CKMT2: variants seen among roughly 807,000 people sequenced by gnomAD.
The protein encoded by CKMT2 is creatine kinase, mitochondrial 2, also known as creatine kinase S-type, mitochondrial.
A neutral mutation model predicts 48.9 loss-of-function variants in CKMT2; 43 were observed. That is an observed-to-expected ratio of 0.88 (90% CI 0.69 to 1.13). The LOEUF (loss-of-function observed/expected upper bound fraction) is 1.13. Among genes scored for constraint, CKMT2 ranks in the 50% most tolerant of loss-of-function variants. The pLI, the probability that CKMT2 is intolerant of heterozygous loss-of-function variation, is 0.00. For synonymous variants in CKMT2, 206 were observed against 213.0 expected, an observed-to-expected ratio of 0.97 and a Z score of 0.29; for missense variants, 472 against 555.4, an observed-to-expected ratio of 0.85 and a Z score of 1.51.
chr5:81,253,007 A>C (rs1236910380), intron 3 of CKMT2, 114 bp downstream of exon 3: 2 of 1,154,950 alleles, frequency 1.7e-6, no homozygotes. Flanking sequence ...CCTTCTCAGG[A>C]AGGGCTCTCA....
intron 1 of CKMT2, among the ~76,000 whole-genome samples, chr5:81,248,391 G>A (rs1394682172): frequency 6.6e-6 from 1 of 152,220 alleles, no homozygotes; most frequent in Non-Finnish European, 1.5e-5. Context: ...TAGAGTGACA[G>A]CATTGCCTCT....
At chr5:81,259,580 C>CTTGAGCATGCAAGA (rs758983295) in intron 8 of CKMT2, among the ~76,000 whole-genome samples, 9 of 152,250 alleles carry the variant, frequency 5.9e-5, no homozygotes, top group Non-Finnish European at 8.8e-5. Context: ...AGTTCTCAAA[C>CTTGAGCATGCAAGA]TTGAGCATGC....
At chr5:81,255,618 G>T (rs1430005030) in intron 5 of CKMT2, among the ~76,000 whole-genome samples, 1 of 152,106 alleles carries the variant, frequency 6.6e-6, no homozygotes, top group East Asian at 1.9e-4. Flanking sequence ...ATCTAGAAAG[G>T]AAATTCCAGG....
chr5:81,255,296 C>A, intron 5 of CKMT2, 82 bp downstream of exon 5: 2 of 1,271,658 alleles, frequency 1.6e-6, no homozygotes, highest in Non-Finnish European at 2.2e-6. Context: ...TGGTGCTCTG[C>A]TCAGTCCTTA....
intron 8 of CKMT2, 141 bp from the exon 9 acceptor site, chr5:81,263,350 T>G: frequency 4.6e-6 from 1 of 217,114 alleles, no homozygotes; most frequent in Admixed American, 6.1e-5. Context: ...TATATATATC[T>G]ATTATAAATA....
intron 1 of CKMT2, among the ~76,000 whole-genome samples, chr5:81,243,239 C>A (rs140228125): frequency 0.015 from 2,313 of 152,212 alleles, 48 homozygotes; most frequent in African/African-American, 0.053. Context: ...GCACAGAGCA[C>A]AAGGGCAGAT....
At chr5:81,243,830 C>T (rs1756517927) in intron 1 of CKMT2, among the ~76,000 whole-genome samples, 1 of 152,120 alleles carries the variant, frequency 6.6e-6, no homozygotes, top group Non-Finnish European at 1.5e-5. Flanking sequence ...GCTGGGATTA[C>T]AGGCGCGTGC....
Position 81,233,351 on chromosome 5 carries a change from C to T in CKMT2, c.-47C>T. Reference sequence around the variant, plus strand: ...ACACTTCTTGGCTGTGTGCGCTCAGCAGGACGTGGGAGGCTCCGGCTTCAA... The same window carrying T: ...ACACTTCTTGGCTGTGTGCGCTCAGTAGGACGTGGGAGGCTCCGGCTTCAA... On this transcript the variant is annotated 5_prime_UTR_variant, in exon 1 of 10. Transcript: ENST00000254035. 1 of 985,708 alleles carries T rather than the reference C, an allele frequency of 1.0e-6. No homozygotes were observed. The highest frequency in any genetic ancestry group is 1.2e-6 in the Non-Finnish European group (1 of 830,146). The allele number at this position is 985,708 out of a possible 1,614,324, so 61.1% of individuals were successfully genotyped here. A position where few individuals can be genotyped will look rare whatever the true frequency, so the allele number is the denominator to read the frequency against.
rs1561284167 is a variant in CKMT2 at position 81,255,178 on chromosome 5, C to CGAGAT, written c.636_640dup (p.Thr214ArgfsTer2). 53 of 1,614,046 alleles carry CGAGAT rather than the reference C, an allele frequency of 3.3e-5. No individual in the cohort carries two copies. The highest frequency in any genetic ancestry group is 4.5e-5 in the Non-Finnish European group (53 of 1,180,030). ...TGGCTGGCCGCTACTACAAGCTGTC[C>CGAGAT]GAGATGACGGAGCAGGACCAGCAGC... On this transcript the variant is annotated frameshift_variant, in exon 5 of 10. Transcript: ENST00000254035. LOFTEE classifies it high-confidence loss of function.
chr5:81,256,604 T>C (rs1393589776), intron 5 of CKMT2, among the ~76,000 whole-genome samples: 1 of 152,228 alleles, frequency 6.6e-6, no homozygotes, highest in East Asian at 1.9e-4. Context: ...TGGTAGTGTA[T>C]ACCCGCTCCA....
At chr5:81,241,735 C>G (rs1370414388) in intron 1 of CKMT2, among the ~76,000 whole-genome samples, 1 of 152,216 alleles carries the variant, frequency 6.6e-6, no homozygotes, top group Non-Finnish European at 1.5e-5. Flanking sequence ...TTTGCTTGCC[C>G]ACATAAAAGG....
Position 81,250,123 on chromosome 5 carries a change from C to T in CKMT2, c.-20-990C>T, listed in dbSNP as rs568833197. ...GAGCTTGACATTCTATCCATCATAT[C>T]TCTTAATTTACATCTATTTTCCATT... On this transcript the variant is annotated intron_variant, in intron 1 of 9. Transcript: ENST00000254035. 2.6e-5 allele frequency among the ~76,000 whole-genome samples: 4 copies of T among 152,314 alleles called. No homozygotes were observed. The South Asian group carries it at 8.3e-4, about 32-fold the overall frequency.
rs1014213827 is a variant in CKMT2 at position 81,265,240 on chromosome 5, G to A, written c.1141-899G>A. On this transcript the variant is annotated intron_variant, in intron 9 of 9. Transcript: ENST00000254035. Reference sequence around the variant, plus strand: ...CCATACTCTCACCAACACTGGAAGGGATCAAAAGGATAAATAGAAAATATG... The same window carrying A: ...CCATACTCTCACCAACACTGGAAGGAATCAAAAGGATAAATAGAAAATATG... 6.6e-5 allele frequency among the ~76,000 whole-genome samples: 10 copies of A among 152,158 alleles called. No homozygotes were observed. The East Asian group carries it at 1.5e-3, about 23-fold the overall frequency.
At chr5:81,259,280 G>C (rs539150866) in intron 8 of CKMT2, 26 bp downstream of exon 8, 25 of 1,604,886 alleles carry the variant, frequency 1.6e-5, no homozygotes, top group Admixed American at 6.8e-5. Context: ...CAGTGGCCCT[G>C]ATGGGCCAGG....
Position 81,259,130 on chromosome 5 carries a change from T to G in CKMT2, c.890T>G (p.Leu297Ter), listed in dbSNP as rs1248096264. The change falls in exon 8 of 10, where the codon TTA becomes TGA. Residue 297 changes from leucine to a stop codon, truncating the protein, a stop_gained. Coordinates refer to ENST00000254035, the MANE Select transcript of CKMT2 (RefSeq NM_001099735.2). LOFTEE classifies it high-confidence loss of function. ...TGGTTCTACTTGTAGGTAGAACGGT[T>G]AATCCAAGAACGAGGCTGGGAGTTC... ...FCRGLKEVER[L>*]IQERGWEFMW... 1 of 1,613,168 alleles carries G rather than the reference T, an allele frequency of 6.2e-7. No individual in the cohort carries two copies. The highest frequency in any genetic ancestry group is 8.5e-7 in the Non-Finnish European group (1 of 1,179,570).
At chr5:81,242,129 G>T (rs1756457824) in intron 1 of CKMT2, among the ~76,000 whole-genome samples, 1 of 152,212 alleles carries the variant, frequency 6.6e-6, no homozygotes, top group African/African-American at 2.4e-5. Context: ...AAACGGTCAG[G>T]AGCCTGCACT....
intron 2 of CKMT2, 65 bp from the exon 3 acceptor site, chr5:81,252,619 GGCAAACAACAA>G: frequency 6.8e-7 from 1 of 1,479,968 alleles, no homozygotes; most frequent in Non-Finnish European, 9.4e-7. Flanking sequence ...TGGAAGGATG[GGCAAACAACAA>G]GTCCTTCCAT....
chr5:81,258,881 G>A (rs13155580), intron 7 of CKMT2, among the ~76,000 whole-genome samples: 49,031 of 152,030 alleles, frequency 0.32, 8,343 homozygotes, highest in Admixed American at 0.41. Flanking sequence ...TCAAGACACC[G>A]GTCCCTGATG....
intron 1 of CKMT2, among the ~76,000 whole-genome samples, chr5:81,236,729 A>G (rs768582664): frequency 4.5e-4 from 68 of 152,204 alleles, no homozygotes; most frequent in African/African-American, 1.2e-3. Context: ...GTCTGGAAGA[A>G]GAACTGGGGA....
Sources: allele counts gnomAD v4.1 joint callset (sites outside exome capture counted in the v4.1 genomes callset), GRCh38; gene constraint gnomAD v4.1.1; transcripts MANE v1.5; gene names NCBI Gene and HGNC (gene_info 2026-07-23, HGNC 2026-07-21).